SGK3: variants seen among roughly 807,000 people sequenced by gnomAD.
The protein encoded by SGK3 is serum/glucocorticoid regulated kinase family member 3, also known as serine/threonine-protein kinase Sgk3.
A neutral mutation model predicts 68.5 loss-of-function variants in SGK3; 47 were observed. The ratio of observed to expected loss-of-function variants is 0.69; its 90% CI spans 0.54 to 0.87. The LOEUF is 0.87. Among genes scored for constraint, SGK3 ranks in the 40% least tolerant of loss-of-function variants. SGK3 has a pLI of 0.00. For missense variants in SGK3, 479 were observed against 575.5 expected (o/e 0.83, Z 1.72); for synonymous variants, 181 against 189.1 (o/e 0.96, Z 0.35).
intron 1 of SGK3, among the ~76,000 whole-genome samples, chr8:66,760,631 G>T (rs1382246158): frequency 6.6e-6 from 1 of 151,980 alleles, no homozygotes; most frequent in African/African-American, 2.4e-5. Flanking sequence ...ACTGTGCCCG[G>T]CCACTTTGTT....
At chr8:66,751,399 T>A (rs970522222) in intron 1 of SGK3, among the ~76,000 whole-genome samples, 10 of 152,232 alleles carry the variant, frequency 6.6e-5, no homozygotes, top group Admixed American at 4.6e-4. Flanking sequence ...TCATTTGTTA[T>A]GAGCTTCTTA....
intron 1 of SGK3, among the ~76,000 whole-genome samples, chr8:66,785,423 C>T (rs562815606): frequency 2.0e-5 from 3 of 152,208 alleles, no homozygotes; most frequent in Non-Finnish European, 4.4e-5. Context: ...TAAAACAGCC[C>T]TGGCATTAGT....
chr8:66,846,127 A>G (rs542375150), intron 14 of SGK3, among the ~76,000 whole-genome samples: 196 of 152,248 alleles, frequency 1.3e-3, no homozygotes, highest in African/African-American at 4.6e-3. Flanking sequence ...AAGAACAGTA[A>G]CATTTTACAT....
intron 2 of SGK3, among the ~76,000 whole-genome samples, chr8:66,794,778 A>G (rs1468148137): frequency 1.3e-5 from 2 of 152,142 alleles, no homozygotes; most frequent in Non-Finnish European, 2.9e-5. Context: ...AGCCTGGTGA[A>G]GCCTCTTGAG....
chr8:66,727,364 T>A (rs886893472), intron 1 of SGK3, among the ~76,000 whole-genome samples: 2 of 152,174 alleles, frequency 1.3e-5, no homozygotes, highest in African/African-American at 4.8e-5. Context: ...CCCAAAGTGC[T>A]GGGATTCTAG....
rs34499404 is a variant in SGK3, at chr8:66,756,569, C to CTTTTTTT, written c.-121-37025_-121-37019dup. On this transcript the variant is annotated intron_variant, in intron 1 of 16. Transcript: ENST00000521198. Reference sequence around the variant, plus strand: ...ATCTTGAAATTGAGGCATGCATCTACTTTTTTTTTTTTTTTTTTTTTTTTT... The same window carrying CTTTTTTT: ...ATCTTGAAATTGAGGCATGCATCTACTTTTTTTTTTTTTTTTTTTTTTTTTTTTTTTT... Among the ~76,000 whole-genome samples, 5 of 77,914 alleles carry CTTTTTTT rather than the reference C, an allele frequency of 6.4e-5. 1 individual carries two copies. The highest frequency in any genetic ancestry group is 1.0e-4 in the Non-Finnish European group (4 of 38,702). The allele number at this position is 77,914 out of a possible 152,430, so 51.1% of individuals were successfully genotyped here. A position where few individuals can be genotyped will look rare whatever the true frequency, so the allele number is the denominator to read the frequency against.
intron 1 of SGK3, among the ~76,000 whole-genome samples, chr8:66,773,525 CTAAAT>C (rs1278882508): frequency 6.6e-6 from 1 of 152,158 alleles, no homozygotes; most frequent in Non-Finnish European, 1.5e-5. Flanking sequence ...CATTTACTCT[CTAAAT>C]TAGGCACAGT....
chr8:66,837,600 G>C (rs1809589179), intron 10 of SGK3, among the ~76,000 whole-genome samples: 1 of 152,094 alleles, frequency 6.6e-6, no homozygotes, highest in African/African-American at 2.4e-5. Context: ...GGGCAACATG[G>C]CGAAACCCCA....
chr8:66,744,510 TATATATATA>T lies in SGK3; in HGVS notation c.-122+31678_-122+31686del, dbSNP rs1317272774. 4.0e-3 allele frequency among the ~76,000 whole-genome samples: 122 copies of T among 30,688 alleles called. 1 individual carries two copies. The highest frequency in any genetic ancestry group is 9.6e-3 in the African/African-American group (51 of 5,322). The allele number at this position is 30,688 out of a possible 152,430, so 20.1% of individuals were successfully genotyped here. On this transcript the variant is annotated intron_variant, in intron 1 of 16. Transcript: ENST00000521198. ...ATATATATATATATATATATATATA[TATATATATA>T]TTTTTTTTTTTTTTTTTTTTTTTTT...
chr8:66,840,049 C>T lies in SGK3; in HGVS notation c.788C>T (p.Ala263Val). The T allele has an allele frequency of 6.2e-7, 1 of 1,613,908 alleles. No individual in the cohort carries two copies. Among genetic ancestry groups the T allele is most frequent in the Non-Finnish European group, 8.5e-7 (1 of 1,179,950 alleles). ...GAACGGTCCTTTCCTGAGCACAGAGCTAGGTTTTACGCTGCTGAAATTGCT... is the reference window on the plus strand; with the variant it reads ...GAACGGTCCTTTCCTGAGCACAGAGTTAGGTTTTACGCTGCTGAAATTGCT... Reference protein sequence around the residue: ...QRERSFPEHRARFYAAEIASA... With the variant: ...QRERSFPEHRVRFYAAEIASA... The change falls in exon 11 of 17, where the codon GCT becomes GTT. Residue 263 changes from alanine to valine, a missense_variant. Transcript: ENST00000521198.
intron 10 of SGK3, among the ~76,000 whole-genome samples, chr8:66,836,319 T>C (rs1809531230): frequency 6.6e-6 from 1 of 152,202 alleles, no homozygotes; most frequent in South Asian, 2.1e-4. Context: ...GACAGGTTTG[T>C]CACTAAACTG....
intron 1 of SGK3, among the ~76,000 whole-genome samples, chr8:66,744,529 T>TG (rs1563605805): frequency 0.011 from 1,283 of 112,872 alleles, 65 homozygotes; most frequent in African/African-American, 0.04. Context: ...ATTTTTTTTT[T>TG]TTTTTTTTTT....
intron 1 of SGK3, among the ~76,000 whole-genome samples, chr8:66,777,312 T>C (rs1806752426): frequency 6.6e-6 from 1 of 152,220 alleles, no homozygotes; most frequent in East Asian, 1.9e-4. Context: ...GTAAGTTCCA[T>C]GTGGGTAAAG....
At chr8:66,718,298 T>C (rs1804698192) in intron 1 of SGK3, among the ~76,000 whole-genome samples, 1 of 152,064 alleles carries the variant, frequency 6.6e-6, no homozygotes, top group South Asian at 2.1e-4. Flanking sequence ...GTGCTGGGAT[T>C]ACAGGCATGA....
intron 10 of SGK3, among the ~76,000 whole-genome samples, chr8:66,838,119 G>A (rs1051831733): frequency 9.2e-5 from 14 of 152,320 alleles, no homozygotes; most frequent in Admixed American, 6.5e-4. Context: ...AGGCTGGAGT[G>A]CAGTGGTGCG....
At chr8:66,759,082 T>TC (rs1806075210) in intron 1 of SGK3, among the ~76,000 whole-genome samples, 1 of 145,388 alleles carries the variant, frequency 6.9e-6, no homozygotes, top group African/African-American at 2.5e-5. Flanking sequence ...CTTTTCTTCT[T>TC]TTTTTTTTTT....
chr8:66,763,201 C>T (rs941105815), intron 1 of SGK3, among the ~76,000 whole-genome samples: 2 of 152,108 alleles, frequency 1.3e-5, no homozygotes, highest in African/African-American at 4.8e-5. Context: ...CTTTTATTTA[C>T]CAGTTTTCAA....
At chr8:66,720,122 G>T (rs1200032342) in intron 1 of SGK3, among the ~76,000 whole-genome samples, 1 of 152,220 alleles carries the variant, frequency 6.6e-6, no homozygotes, top group Non-Finnish European at 1.5e-5. Flanking sequence ...GGGAATGAGG[G>T]TGTGTGGATA....
chr8:66,765,237 T>G (rs1287223599), intron 1 of SGK3, among the ~76,000 whole-genome samples: 2 of 152,240 alleles, frequency 1.3e-5, no homozygotes, highest in Non-Finnish European at 2.9e-5. Context: ...TTCACTTTTT[T>G]GATTATTGCC....
Sources: gnomAD v4.1 joint callset for allele counts (sites outside exome capture counted in the v4.1 genomes callset) on GRCh38, gnomAD v4.1.1 for gene constraint, MANE v1.5 for transcripts, NCBI Gene and HGNC (gene_info 2026-07-23, HGNC 2026-07-21) for gene names.